The following LRRTM4 variants were observed in gnomAD, a reference collection of about 807,000 sequenced individuals.
The protein encoded by LRRTM4 is leucine rich repeat transmembrane neuronal 4.
A neutral mutation model predicts 47.6 loss-of-function variants in LRRTM4; 25 were observed. The observed-to-expected ratio is 0.53, with a 90% CI of 0.38 to 0.73. The LOEUF (loss-of-function observed/expected upper bound fraction) is 0.73. Among genes scored for constraint, LRRTM4 ranks in the 30% least tolerant of loss-of-function variants. LRRTM4 has a pLI of 0.00. For synonymous variants in LRRTM4, 311 were observed against 269.5 expected, an observed-to-expected ratio of 1.15 and a Z score of -1.51; for missense variants, 638 against 713.4, an observed-to-expected ratio of 0.89 and a Z score of 1.20.
intron 3 of LRRTM4, among the ~76,000 whole-genome samples, chr2:77,360,912 G>A (rs1394567603): frequency 6.6e-6 from 1 of 151,860 alleles, no homozygotes; most frequent in Non-Finnish European, 1.5e-5. Flanking sequence ...GGCTGCCATT[G>A]TTATCATTAT....
rs541588110 is a variant in LRRTM4 at position 77,222,581 on chromosome 2, C to A, written c.1551+295737G>T. 1.1e-4 allele frequency among the ~76,000 whole-genome samples: 16 copies of A among 152,324 alleles called. 1 individual carries two copies. In the South Asian group the frequency reaches 3.3e-3, roughly 32 times the overall value. On this transcript the variant is annotated intron_variant, in intron 3 of 3. Transcript: ENST00000409884. ...TCATCAGAGAATACTCTAAACACCT[C>A]TACAGGAATAAAGTAGAAAATCTAG...
At chr2:77,008,804 C>T (rs1171085339) in intron 3 of LRRTM4, among the ~76,000 whole-genome samples, 3 of 151,990 alleles carry the variant, frequency 2.0e-5, no homozygotes, top group Non-Finnish European at 4.4e-5. Context: ...GACGAGGCGC[C>T]GGCAATGCCT....
chr2:77,458,935 G>A (rs1676669939), intron 3 of LRRTM4, among the ~76,000 whole-genome samples: 1 of 151,822 alleles, frequency 6.6e-6, no homozygotes, highest in African/African-American at 2.4e-5. Context: ...CATACCCATA[G>A]GTTTGTGAAA....
At chr2:76,757,948 A>T (rs1280074221) in intron 3 of LRRTM4, among the ~76,000 whole-genome samples, 2 of 152,180 alleles carry the variant, frequency 1.3e-5, no homozygotes, top group East Asian at 3.9e-4. Context: ...GAAAAAGGAA[A>T]TGAAAGCAGG....
intron 3 of LRRTM4, among the ~76,000 whole-genome samples, chr2:77,372,688 T>C (rs1672694527): frequency 6.6e-6 from 1 of 151,736 alleles, no homozygotes; most frequent in African/African-American, 2.4e-5. Context: ...GACATACAAA[T>C]GGACCTTCAT....
chr2:76,980,705 G>T (rs1313446146), intron 3 of LRRTM4, among the ~76,000 whole-genome samples: 3 of 152,052 alleles, frequency 2.0e-5, no homozygotes, highest in Non-Finnish European at 4.4e-5. Context: ...AATGGCTCCT[G>T]AAGTGAGCCC....
chr2:77,018,055 T>G (rs1678132602), intron 3 of LRRTM4, among the ~76,000 whole-genome samples: 1 of 151,968 alleles, frequency 6.6e-6, no homozygotes. Context: ...GACTTCTTTT[T>G]ATAGCTTTGG....
At chr2:77,161,778 CTTAT>C (rs1223070109) in intron 3 of LRRTM4, among the ~76,000 whole-genome samples, 3 of 151,828 alleles carry the variant, frequency 2.0e-5, no homozygotes, top group Non-Finnish European at 4.4e-5. Context: ...GTGAAAATGT[CTTAT>C]TTATTTTCTT....
intron 3 of LRRTM4, among the ~76,000 whole-genome samples, chr2:77,213,988 C>T (rs1186587939): frequency 6.6e-6 from 1 of 151,912 alleles, no homozygotes; most frequent in Non-Finnish European, 1.5e-5. Flanking sequence ...AACACTGTAT[C>T]CTGAGCCCTA....
intron 3 of LRRTM4, among the ~76,000 whole-genome samples, chr2:77,340,284 A>G (rs1671325489): frequency 6.6e-6 from 1 of 151,848 alleles, no homozygotes; most frequent in Non-Finnish European, 1.5e-5. Flanking sequence ...TAGGTCCACA[A>G]TTTATGAGTT....
At chr2:77,509,909 A>C (rs573818502) in intron 3 of LRRTM4, among the ~76,000 whole-genome samples, 1 of 152,290 alleles carries the variant, frequency 6.6e-6, no homozygotes, top group African/African-American at 2.4e-5. Context: ...GGACCAAGGC[A>C]GTATTTGTCC....
At chr2:77,174,484 T>C (rs557096834) in intron 3 of LRRTM4, among the ~76,000 whole-genome samples, 2 of 152,090 alleles carry the variant, frequency 1.3e-5, no homozygotes, top group African/African-American at 2.4e-5. Flanking sequence ...GGGGCCTCTG[T>C]GTGGAGAAAT....
At chr2:76,960,387 A>G (rs2103910682) in intron 3 of LRRTM4, among the ~76,000 whole-genome samples, 1 of 151,798 alleles carries the variant, frequency 6.6e-6, no homozygotes, top group South Asian at 2.1e-4. Flanking sequence ...AAAAATAAGC[A>G]TTATAATTAT....
At chr2:77,383,484 A>C (rs1673141209) in intron 3 of LRRTM4, among the ~76,000 whole-genome samples, 1 of 151,976 alleles carries the variant, frequency 6.6e-6, no homozygotes, top group Admixed American at 6.6e-5. Flanking sequence ...TCTATTTGTC[A>C]AAGCTTTGAT....
At chr2:77,299,713 A>C (rs1192964269) in intron 3 of LRRTM4, among the ~76,000 whole-genome samples, 1 of 152,166 alleles carries the variant, frequency 6.6e-6, no homozygotes, top group Non-Finnish European at 1.5e-5. Flanking sequence ...GAGGGCAAGA[A>C]ATCTCAAGGA....
chr2:77,271,866 ACCATGTG>A, intron 3 of LRRTM4, among the ~76,000 whole-genome samples: 1 of 152,046 alleles, frequency 6.6e-6, no homozygotes, highest in Non-Finnish European at 1.5e-5. Context: ...GCCTCCACCC[ACCATGTG>A]TCATGCGTAC....
intron 3 of LRRTM4, among the ~76,000 whole-genome samples, chr2:77,250,568 T>C (rs561205407): frequency 6.6e-6 from 1 of 152,278 alleles, no homozygotes; most frequent in Non-Finnish European, 1.5e-5. Context: ...CATAAACAGG[T>C]CTTCTTAAGT....
intron 3 of LRRTM4, among the ~76,000 whole-genome samples, chr2:77,021,238 A>G (rs6547116): frequency 6.6e-6 from 1 of 151,552 alleles, no homozygotes; most frequent in African/African-American, 2.4e-5. Context: ...CTATACAGAT[A>G]ACAAGACCAC....
chr2:76,871,354 A>T (rs911711395), intron 3 of LRRTM4, among the ~76,000 whole-genome samples: 1 of 152,162 alleles, frequency 6.6e-6, no homozygotes, highest in Admixed American at 6.5e-5. Context: ...TGAGGATTTG[A>T]CCATCATTGC....
Sources: allele counts gnomAD v4.1 joint callset (sites outside exome capture counted in the v4.1 genomes callset), GRCh38; gene constraint gnomAD v4.1.1; transcripts MANE v1.5; gene names NCBI Gene and HGNC (gene_info 2026-07-23, HGNC 2026-07-21).